Variants in MSL3 observed in about 807,000 individuals in gnomAD.
The protein encoded by MSL3 is MSL complex subunit 3.
In MSL3, 5 loss-of-function variants were observed where a neutral mutation model predicts 37.2. The observed-to-expected ratio is 0.13, with a 90% CI of 0.07 to 0.28. The LOEUF (loss-of-function observed/expected upper bound fraction) is 0.28, where lower values mean the gene tolerates loss of function less well. Among genes scored for constraint, MSL3 ranks in the 10% least tolerant of loss-of-function variants. The pLI, the probability that MSL3 is intolerant of heterozygous loss-of-function variation, is 1.00. For missense variants in MSL3, 315 were observed against 408.5 expected (o/e 0.77, Z 1.97); for synonymous variants, 149 against 147.6 (o/e 1.01, Z -0.07).
At position 11,759,603 on chromosome X, in the gene MSL3, C is replaced by T. The variant is rs888783848; in HGVS notation, c.103-190C>T. The T allele has an allele frequency of 1.2e-4, 126 of 1,062,626 alleles. No homozygotes were observed. In the Middle Eastern group the frequency reaches 1.9e-3, roughly 16 times the overall value. 87.6% of individuals were successfully genotyped at this position (1,062,626 alleles called of 1,213,427 possible). ...AGAGACCAATCACGGGGTGGTTGGA[C>T]GGATGTTTCCTATTTTGAAGGCGTC... On this transcript the variant is annotated intron_variant, in intron 1 of 12. Coordinates refer to ENST00000312196, the MANE Select transcript of MSL3 (RefSeq NM_078629.4).
intron 8 of MSL3, among the ~76,000 whole-genome samples, chrX:11,764,453 T>C (rs2053161735): frequency 9.0e-6 from 1 of 111,069 alleles, no homozygotes. Flanking sequence ...TGTCACCACT[T>C]TTCCTCCCTC....
Position 11,765,434 on chromosome X carries a change from T to A in MSL3, c.909-33T>A, listed in dbSNP as rs878873360. On this transcript the variant is annotated intron_variant, in intron 8 of 12. Coordinates refer to ENST00000312196, the MANE Select transcript of MSL3 (RefSeq NM_078629.4). ...CACTCCATGTTCTGGAAAGGCCCTTTGAGCCATGTGTGACATCCTCCATCT... is the reference window on the plus strand; with the variant it reads ...CACTCCATGTTCTGGAAAGGCCCTTAGAGCCATGTGTGACATCCTCCATCT... The A allele has an allele frequency of 4.3e-6, 5 of 1,160,619 alleles. No individual in the cohort carries two copies. In the South Asian group the frequency reaches 9.9e-5, roughly 23 times the overall value.
intron 4 of MSL3, among the ~76,000 whole-genome samples, chrX:11,761,237 A>G (rs1001276923): frequency 8.9e-6 from 1 of 112,368 alleles, no homozygotes; most frequent in Non-Finnish European, 1.9e-5. Context: ...GGTCCCATTT[A>G]TGAATGCAAC....
At position 11,775,378 on chromosome X, in the gene MSL3, T is replaced by C. The variant is rs1331934341; in HGVS notation, c.*299T>C. The C allele has an allele frequency of 1.4e-5, 3 of 210,978 alleles. No individual in the cohort carries two copies. Among genetic ancestry groups the C allele is most frequent in the Admixed American group, 7.1e-5 (1 of 14,173 alleles). The allele number at this position is 210,978 out of a possible 1,213,427, so 17.4% of individuals were successfully genotyped here. On this transcript the variant is annotated 3_prime_UTR_variant, in exon 13 of 13. Transcript: ENST00000312196. The stretch of plus-strand genomic sequence containing the variant: ...ATAGGTTAGGCCATTTCAGTAGACA[T>C]TGCAGTTAGTTAGCAAGAACCACAT...
chrX:11,766,940 T>C, intron 9 of MSL3: 1 of 754,643 alleles, frequency 1.3e-6, no homozygotes, highest in Non-Finnish European at 1.6e-6. Context: ...GTGTATGACC[T>C]GTGCCCTGTT....
chrX:11,762,252 G>C lies in MSL3; in HGVS notation c.588G>C (p.Arg196=). 2 of 1,145,757 alleles carry C rather than the reference G, an allele frequency of 1.7e-6. No homozygotes were observed. The highest frequency in any genetic ancestry group is 2.3e-6 in the Non-Finnish European group (2 of 867,164). The allele number at this position is 1,145,757 out of a possible 1,213,427, so 94.4% of individuals were successfully genotyped here. ...DDCYYINRRK[R]LVKLPCQTNI... Reference sequence around the variant, plus strand: ...GTTACTACATTAACAGGAGGAAACGGGTATGTAGGGAGAATGTATAAAACA... The same window carrying C: ...GTTACTACATTAACAGGAGGAAACGCGTATGTAGGGAGAATGTATAAAACA... The change falls in exon 6 of 13, where the codon CGG becomes CGC. Residue 196 remains arginine, a splice_region_variant and synonymous_variant. Transcript: ENST00000312196.
intron 10 of MSL3, chrX:11,768,885 C>T (rs1288952772): frequency 2.7e-6 from 1 of 371,821 alleles, no homozygotes; most frequent in Non-Finnish European, 4.7e-6. Context: ...CCTACACTGA[C>T]AATCATCTTT....
intron 10 of MSL3, among the ~76,000 whole-genome samples, chrX:11,769,659 A>G (rs1044912912): frequency 1.8e-5 from 2 of 112,164 alleles, no homozygotes; most frequent in African/African-American, 6.5e-5. Context: ...GCTGCAGTGC[A>G]GTGGCAGGAT....
At chrX:11,770,318 T>C (rs1281391830) in intron 10 of MSL3, among the ~76,000 whole-genome samples, 2 of 111,709 alleles carry the variant, frequency 1.8e-5, no homozygotes, top group African/African-American at 6.5e-5. Context: ...GTTCAAGCAG[T>C]CCCTGACATG....
At chrX:11,764,769 C>T (rs1009431201) in intron 8 of MSL3, among the ~76,000 whole-genome samples, 1 of 112,154 alleles carries the variant, frequency 8.9e-6, no homozygotes, top group Non-Finnish European at 1.9e-5. Context: ...TGCTTCATGG[C>T]TGTCAGCTCC....
chrX:11,766,452 A>G, intron 9 of MSL3: 1 of 753,177 alleles, frequency 1.3e-6, no homozygotes, highest in Non-Finnish European at 1.6e-6. Flanking sequence ...TACACTAACC[A>G]GGCATTTTTC....
intron 9 of MSL3, chrX:11,767,922 T>G (rs764488059): frequency 1.3e-6 from 1 of 753,247 alleles, no homozygotes; most frequent in Admixed American, 8.7e-5. Flanking sequence ...GGGAAAATTT[T>G]TAAAAAGACT....
rs1256987543 is a variant in MSL3 at position 11,765,704 on chromosome X, C to T, written c.1146C>T (p.Pro382=). The stretch of plus-strand genomic sequence containing the variant: ...AGCAGGACACATCCGCCAGCATGCC[C>T]AAGCTCTTCCTGCACCTGGAAAAGA... ...RRQQDTSASM[P]KLFLHLEKKT... Residue 382 remains proline, a synonymous_variant, in exon 9 of 13, where the codon CCC becomes CCT. Coordinates refer to ENST00000312196, the MANE Select transcript of MSL3 (RefSeq NM_078629.4). 2 of 1,212,067 alleles carry T rather than the reference C, an allele frequency of 1.7e-6. No individual in the cohort carries two copies. Among genetic ancestry groups the T allele is most frequent in the Admixed American group, 4.3e-5 (2 of 46,085 alleles).
At chrX:11,763,038 A>G (rs1822759069) in intron 7 of MSL3, 41 bp downstream of exon 7, 2 of 1,090,442 alleles carry the variant, frequency 1.8e-6, no homozygotes, top group Non-Finnish European at 2.4e-6. Flanking sequence ...TTCTCTCTGT[A>G]TTAGAGAGGT....
At chrX:11,762,057 C>A in intron 5 of MSL3, 73 bp from the exon 6 acceptor site, 1 of 848,117 alleles carries the variant, frequency 1.2e-6, no homozygotes, top group African/African-American at 2.1e-5. Context: ...GGGTTTGTTT[C>A]ATAGCAGGCC....
chrX:11,772,297 G>T (rs763008909), intron 11 of MSL3, 42 bp downstream of exon 11: 5 of 1,046,580 alleles, frequency 4.8e-6, no homozygotes, highest in Non-Finnish European at 6.7e-6. Context: ...TTTTCATTTT[G>T]TATTCTCTTG....
At chrX:11,759,676 G>C (rs927162533) in intron 1 of MSL3, 117 bp from the exon 2 acceptor site, 4 of 1,136,544 alleles carry the variant, frequency 3.5e-6, no homozygotes, top group Non-Finnish European at 3.5e-6. Flanking sequence ...CCCGGCTGTC[G>C]GTCTAAAAGA....
In MSL3 at chrX:11,761,443, C is replaced by T. The variant is rs1389085753; in HGVS notation, c.383-57C>T. On this transcript the variant is annotated intron_variant, in intron 4 of 12. Transcript: ENST00000312196. ...CACACTACACGTGAAGATCTGTAGA[C>T]ATAAGGGTTGGTGAAGTATAAAATG... 3.0e-5 allele frequency: 23 copies of T among 774,452 alleles called. No homozygotes were observed. In the East Asian group the frequency reaches 7.6e-4, roughly 25 times the overall value. 63.8% of individuals were successfully genotyped at this position (774,452 alleles called of 1,213,427 possible). A position where few individuals can be genotyped will look rare whatever the true frequency, so the allele number is the denominator to read the frequency against.
At chrX:11,774,042 A>G (rs1426997065) in intron 12 of MSL3, among the ~76,000 whole-genome samples, 2 of 112,412 alleles carry the variant, frequency 1.8e-5, no homozygotes, top group Non-Finnish European at 3.8e-5. Flanking sequence ...TTAGCCCTCC[A>G]TGGCAAAATC....
Sources: allele counts gnomAD v4.1 joint callset (sites outside exome capture counted in the v4.1 genomes callset), GRCh38; gene constraint gnomAD v4.1.1; transcripts MANE v1.5; gene names NCBI Gene and HGNC (gene_info 2026-07-23, HGNC 2026-07-21).